DPY19L1: variants seen among roughly 807,000 people sequenced by gnomAD.
The protein encoded by DPY19L1 is protein C-mannosyl-transferase DPY19L1.
A neutral mutation model predicts 96.9 loss-of-function variants in DPY19L1; 35 were observed. The ratio of observed to expected loss-of-function variants is 0.36; its 90% confidence interval spans 0.28 to 0.48. The LOEUF (loss-of-function observed/expected upper bound fraction) is 0.48, where lower values mean the gene tolerates loss of function less well. Among genes scored for constraint, DPY19L1 ranks in the 20% least tolerant of loss-of-function variants. The probability of loss-of-function intolerance (pLI) is 0.99; values close to 1 mark genes in which losing one functional copy is unlikely to be tolerated. For synonymous variants in DPY19L1, 205 were observed against 252.6 expected (o/e 0.81, Z 1.79); for missense variants, 521 against 777.9 (o/e 0.67, Z 3.93).
At chr7:35,036,279 G>GT (rs1259132193) in intron 1 of DPY19L1, among the ~76,000 whole-genome samples, 1 of 152,192 alleles carries the variant, frequency 6.6e-6, no homozygotes, top group Non-Finnish European at 1.5e-5. Context: ...AAAAAGCAAT[G>GT]TAACAGCATT....
At chr7:35,002,043 C>G (rs1305668350) in intron 6 of DPY19L1, among the ~76,000 whole-genome samples, 2 of 149,816 alleles carry the variant, frequency 1.3e-5, no homozygotes, top group Non-Finnish European at 3.0e-5. Flanking sequence ...GAAAAAATTG[C>G]TTGAACCCAG....
chr7:35,024,310 C>T (rs1173345304), intron 1 of DPY19L1, among the ~76,000 whole-genome samples: 2 of 152,294 alleles, frequency 1.3e-5, no homozygotes, highest in East Asian at 1.9e-4. Context: ...TAAGGACACT[C>T]CTTAAATCTA....
intron 6 of DPY19L1, among the ~76,000 whole-genome samples, chr7:35,003,682 G>A (rs1204620513): frequency 4.6e-5 from 7 of 152,326 alleles, no homozygotes; most frequent in African/African-American, 9.6e-5. Context: ...GGCTCATGAC[G>A]TTGCCTACTG....
At chr7:34,955,605 T>C (rs1284790813) in intron 11 of DPY19L1, among the ~76,000 whole-genome samples, 1 of 152,200 alleles carries the variant, frequency 6.6e-6, no homozygotes, top group Non-Finnish European at 1.5e-5. Flanking sequence ...GGAATCACCA[T>C]ATGTAAATGT....
In DPY19L1 at chr7:34,930,727, T is replaced by C. The variant is rs1336256770; in HGVS notation, c.*846A>G. ...AATTAAACATGAAAAAACTTTAAAG[T>C]GGTTTAAAGGTATTAAAATATAAAC... On this transcript the variant is annotated 3_prime_UTR_variant, in exon 22 of 22. Transcript: ENST00000638088. 1.3e-5 allele frequency: 2 copies of C among 152,162 alleles called. No homozygotes were observed. The highest frequency in any genetic ancestry group is 4.8e-5 in the African/African-American group (2 of 41,444). The allele number at this position is 152,162 out of a possible 1,614,324, so 9.4% of individuals were successfully genotyped here. A position where few individuals can be genotyped will look rare whatever the true frequency, so the allele number is the denominator to read the frequency against.
chr7:35,018,718 CA>C, intron 1 of DPY19L1, 122 bp from the exon 2 acceptor site: 1 of 814,300 alleles, frequency 1.2e-6, no homozygotes, highest in East Asian at 2.7e-5. Flanking sequence ...ACTGGGTCTT[CA>C]AAAAAGTCCC....
In DPY19L1 at chr7:34,944,260, G is replaced by A. The variant is rs540499754; in HGVS notation, c.1544+1407C>T. On this transcript the variant is annotated intron_variant, in intron 16 of 21. Transcript: ENST00000638088. ...CGCCTGTAGTCTTAGCTATTCAGGA[G>A]GCTGAGGCAGACGAATCGCCTGAAC... 2.0e-5 allele frequency among the ~76,000 whole-genome samples: 3 copies of A among 151,004 alleles called. No individual in the cohort carries two copies. The East Asian group carries it at 5.9e-4, about 30-fold the overall frequency.
chr7:35,015,534 C>T (rs543778977), intron 3 of DPY19L1, among the ~76,000 whole-genome samples: 1 of 152,342 alleles, frequency 6.6e-6, no homozygotes, highest in Admixed American at 6.5e-5. Flanking sequence ...TGACAGTTTA[C>T]ATATGCCATA....
chr7:35,026,924 T>A (rs765794851), intron 1 of DPY19L1, among the ~76,000 whole-genome samples: 1 of 152,130 alleles, frequency 6.6e-6, no homozygotes, highest in Non-Finnish European at 1.5e-5. Context: ...TGGCCAGGCA[T>A]GGTGGCTCAT....
chr7:35,029,910 A>G (rs1786220178), intron 1 of DPY19L1, among the ~76,000 whole-genome samples: 2 of 152,228 alleles, frequency 1.3e-5, no homozygotes. Context: ...ACTCAACTTC[A>G]ATCCCAAACT....
chr7:35,028,800 G>A (rs1294135057), intron 1 of DPY19L1, among the ~76,000 whole-genome samples: 2 of 152,152 alleles, frequency 1.3e-5, no homozygotes, highest in African/African-American at 4.8e-5. Context: ...TGAGTTTTCT[G>A]GAAAAGGGGG....
chr7:35,010,421 T>C (rs1785678699), intron 6 of DPY19L1, 47 bp downstream of exon 6: 2 of 1,067,150 alleles, frequency 1.9e-6, no homozygotes, highest in Middle Eastern at 2.7e-4. Flanking sequence ...ACTAATCAAC[T>C]ATTTTATTTT....
chr7:35,018,545 T>C (rs1389998588), intron 2 of DPY19L1, 27 bp downstream of exon 2: 2 of 1,599,780 alleles, frequency 1.3e-6, no homozygotes, highest in African/African-American at 1.3e-5. Context: ...CTGCATAAAA[T>C]ACCATAGGAG....
At chr7:34,979,036 ATCTT>A (rs1372322450) in intron 7 of DPY19L1, among the ~76,000 whole-genome samples, 1 of 152,218 alleles carries the variant, frequency 6.6e-6, no homozygotes, top group East Asian at 1.9e-4. Flanking sequence ...AAACTGTACT[ATCTT>A]TATAAAGAAT....
At chr7:34,931,972 G>A (rs17791935) in intron 21 of DPY19L1, among the ~76,000 whole-genome samples, 4,477 of 152,256 alleles carry the variant, frequency 0.029, 67 homozygotes, top group Non-Finnish European at 0.035. Context: ...ATATATCCAG[G>A]TGTTGCGGAA....
intron 18 of DPY19L1, 81 bp downstream of exon 18, chr7:34,941,684 T>A (rs1335739866): frequency 7.5e-7 from 1 of 1,329,586 alleles, no homozygotes; most frequent in African/African-American, 1.5e-5. Flanking sequence ...CTTAAAAGAC[T>A]TTGTAATTCA....
rs571307434 is a variant in DPY19L1 at position 34,941,968 on chromosome 7, C to G, written c.1570-84G>C. On this transcript the variant is annotated intron_variant, in intron 17 of 21. Transcript: ENST00000638088. ...AACTGGCAATATGCAGAAAGGGGTA[C>G]GTTCTCCTTAGTAACAAAAAATACT... 7.9e-6 allele frequency: 11 copies of G among 1,390,514 alleles called. No homozygotes were observed. In the Admixed American group the frequency reaches 2.1e-4, roughly 27 times the overall value. 86.1% of individuals were successfully genotyped at this position (1,390,514 alleles called of 1,614,324 possible). A position where few individuals can be genotyped will look rare whatever the true frequency, so the allele number is the denominator to read the frequency against.
At chr7:34,946,470 G>A (rs13234119) in intron 15 of DPY19L1, among the ~76,000 whole-genome samples, 8,128 of 152,206 alleles carry the variant, frequency 0.053, 300 homozygotes, top group Middle Eastern at 0.17. Context: ...TTCTTTAAAC[G>A]AAACAGCCTA....
intron 3 of DPY19L1, among the ~76,000 whole-genome samples, chr7:35,017,364 G>A (rs1264044893): frequency 4.0e-5 from 6 of 151,222 alleles, no homozygotes; most frequent in African/African-American, 4.9e-5. Context: ...GCGCGGTGGC[G>A]GGCGCCTGTA....
Sources: gnomAD v4.1 joint callset for allele counts (sites outside exome capture counted in the v4.1 genomes callset) on GRCh38, gnomAD v4.1.1 for gene constraint, MANE v1.5 for transcripts, NCBI Gene and HGNC (gene_info 2026-07-23, HGNC 2026-07-21) for gene names.